CBLL1: variants seen among roughly 807,000 people sequenced by gnomAD.
CBLL1 encodes the protein Cbl proto-oncogene like 1.
Under a neutral mutation model 44.9 loss-of-function variants are expected in CBLL1, and 4 were observed. The ratio of observed to expected loss-of-function variants is 0.09; its 90% confidence interval spans 0.04 to 0.20. The LOEUF (loss-of-function observed/expected upper bound fraction) is 0.20, where lower values mean the gene tolerates loss of function less well. CBLL1 is among the 10% of genes least tolerant of loss of function. CBLL1 has a pLI of 1.00. For missense variants in CBLL1, 569 were observed against 636.7 expected (o/e 0.89, Z 1.14); for synonymous variants, 235 against 202.2 (o/e 1.16, Z -1.38).
rs952243679 is a variant in CBLL1 at position 107,758,089 on chromosome 7, A to G, written c.441-54A>G. 1.5e-4 allele frequency: 226 copies of G among 1,472,946 alleles called. No individual in the cohort carries two copies. Among genetic ancestry groups the G allele is most frequent in the Non-Finnish European group, 1.9e-4 (213 of 1,096,856 alleles). 91.2% of individuals were successfully genotyped at this position (1,472,946 alleles called of 1,614,324 possible). On this transcript the variant is annotated intron_variant, in intron 5 of 5. Coordinates refer to ENST00000440859, the MANE Select transcript of CBLL1 (RefSeq NM_024814.4). This position sits in a 1 kb window ranked among gnomAD's most constrained non-coding sequence, Gnocchi z 4.2. ...AAACAAGCATATTTTTGAAAATTAC[A>G]TAATTTTTTGTATTCTCTTTTAGTA...
At chr7:107,753,254 A>G (rs1793383787) in intron 2 of CBLL1, among the ~76,000 whole-genome samples, 157 bp from the exon 3 acceptor site, 1 of 152,198 alleles carries the variant, frequency 6.6e-6, no homozygotes, top group Admixed American at 6.5e-5. Flanking sequence ...CTTCTAACTG[A>G]TGTTTTAAAG....
At chr7:107,754,062 T>A in intron 4 of CBLL1, 84 bp downstream of exon 4, 2 of 785,652 alleles carry the variant, frequency 2.5e-6, no homozygotes, top group Middle Eastern at 2.5e-4. Flanking sequence ...TATCATTGTT[T>A]AATGACTAAG....
chr7:107,759,333 C>G lies in CBLL1; in HGVS notation c.*155C>G. 1 of 662,010 alleles carries G rather than the reference C, an allele frequency of 1.5e-6. No individual in the cohort carries two copies. Among genetic ancestry groups the G allele is most frequent in the Non-Finnish European group, 2.5e-6 (1 of 398,408 alleles). 41.0% of individuals were successfully genotyped at this position (662,010 alleles called of 1,614,324 possible). A position where few individuals can be genotyped will look rare whatever the true frequency, so the allele number is the denominator to read the frequency against. ...TCTTAAAATGGTTTTAAATCTTGAC[C>G]TTAAGATTGATTTCAAGTACCATAC... On this transcript the variant is annotated 3_prime_UTR_variant, in exon 6 of 6. Transcript: ENST00000440859.
rs1025532581 is a variant in CBLL1, at chr7:107,748,815, C to A, written c.14-65C>A. ...AATGTTAGGTATGGTGTTTTAATAC[C>A]TGTGGCAGAATAATCTTTAAAAAGA... is the stretch of plus-strand genomic sequence containing the variant. On this transcript the variant is annotated intron_variant, in intron 1 of 5. Transcript: ENST00000440859. The A allele has an allele frequency of 3.6e-6, 5 of 1,399,354 alleles. No individual in the cohort carries two copies. The African/African-American group carries it at 5.8e-5, about 16-fold the overall frequency. The allele number at this position is 1,399,354 out of a possible 1,614,324, so 86.7% of individuals were successfully genotyped here.
At chr7:107,748,640 G>A (rs988212651) in intron 1 of CBLL1, among the ~76,000 whole-genome samples, 2 of 152,196 alleles carry the variant, frequency 1.3e-5, no homozygotes, top group African/African-American at 4.8e-5. Context: ...TCTAGGGAGA[G>A]GTCCTATAAC....
In CBLL1 at chr7:107,753,105, G is replaced by A. The variant is rs10281114; in HGVS notation, c.182-306G>A. Among the ~76,000 whole-genome samples the A allele has an allele frequency of 4.7e-3, 715 of 152,230 alleles. 5 individuals are homozygous for A. The highest frequency in any genetic ancestry group is 0.016 in the African/African-American group (681 of 41,548). On this transcript the variant is annotated intron_variant, in intron 2 of 5. Coordinates refer to ENST00000440859, the MANE Select transcript of CBLL1 (RefSeq NM_024814.4). Reference sequence around the variant, plus strand: ...TAGAAATAGTTTCATGAATTGATAAGAGCATTTGAATGGGAGTCAAGAGAT... The same window carrying A: ...TAGAAATAGTTTCATGAATTGATAAAAGCATTTGAATGGGAGTCAAGAGAT...
Position 107,758,647 on chromosome 7 carries a change from T to G in CBLL1, c.945T>G (p.Pro315=), listed in dbSNP as rs552973183. Residue 315 remains proline (P), a synonymous_variant, in exon 6 of 6, where the codon CCT becomes CCG. Coordinates refer to ENST00000440859, the MANE Select transcript of CBLL1 (RefSeq NM_024814.4). The surrounding 1 kb of genome is among the most constrained non-coding windows in gnomAD (Gnocchi z 4.2). ...AACCACCACCTCCTGCCCCAGCACCTGCTCACCATCATCCTGAATATCAGG... is the reference window on the plus strand; with the variant it reads ...AACCACCACCTCCTGCCCCAGCACCGGCTCACCATCATCCTGAATATCAGG... ...AREPPPPAPA[P]AHHHPEYQGQ... 8 of 1,614,062 alleles carry G rather than the reference T, an allele frequency of 5.0e-6. No individual in the cohort carries two copies. The South Asian group carries it at 7.7e-5, about 16-fold the overall frequency.
intron 2 of CBLL1, among the ~76,000 whole-genome samples, chr7:107,752,899 G>A (rs1372004474): frequency 1.3e-5 from 2 of 152,128 alleles, no homozygotes; most frequent in African/African-American, 4.8e-5. Context: ...CTCATTTTAG[G>A]GCTAAAGAAG....
chr7:107,750,066 T>C (rs981830661), intron 2 of CBLL1, among the ~76,000 whole-genome samples: 1 of 151,992 alleles, frequency 6.6e-6, no homozygotes, highest in African/African-American at 2.4e-5. Flanking sequence ...CACCTCAGTC[T>C]CCTGAGGAGC....
chr7:107,760,001 CAT>C lies in CBLL1; in HGVS notation c.*826_*827del, dbSNP rs1292871359. The C allele has an allele frequency of 6.6e-6, 1 of 152,306 alleles. No homozygotes were observed. The highest frequency in any genetic ancestry group is 1.5e-5 in the Non-Finnish European group (1 of 68,002). 9.4% of individuals were successfully genotyped at this position (152,306 alleles called of 1,614,324 possible). ...CTTTTTTACTGAATGGTCGGAATCA[CAT>C]ATGCACCACACATACTGATCTTAAG... On this transcript the variant is annotated 3_prime_UTR_variant, in exon 6 of 6. Coordinates refer to ENST00000440859, the MANE Select transcript of CBLL1 (RefSeq NM_024814.4).
In CBLL1 at chr7:107,754,015, T is replaced by C. The variant is rs149466671; in HGVS notation, c.366+37T>C. 1,770 of 1,348,548 alleles carry C rather than the reference T, an allele frequency of 1.3e-3. 33 individuals are homozygous for C. The African/African-American group carries it at 0.024, about 18-fold the overall frequency. The allele number at this position is 1,348,548 out of a possible 1,614,324, so 83.5% of individuals were successfully genotyped here. On this transcript the variant is annotated intron_variant, in intron 4 of 5. Coordinates refer to ENST00000440859, the MANE Select transcript of CBLL1 (RefSeq NM_024814.4). ...TAAATATTGTTTTTGTAAGTAAGCA[T>C]TTGCATAGAGGTGGGGTTCTGAAAT...
At chr7:107,749,111 G>T in intron 2 of CBLL1, 64 bp downstream of exon 2, 1 of 1,458,140 alleles carries the variant, frequency 6.9e-7, no homozygotes, top group Non-Finnish European at 9.4e-7. Context: ...CGGACAGTCT[G>T]TGTGATCTTA....
At position 107,755,403 on chromosome 7, in the gene CBLL1, T is replaced by C. The variant is rs771721919; in HGVS notation, c.367-15T>C. On this transcript the variant is annotated splice_polypyrimidine_tract_variant and intron_variant, in intron 4 of 5. Transcript: ENST00000440859. ...AGTTCTAATATGCTTAACTGTAATATGTCTTTGTTTACAGATTCCATGCAA... is the reference window on the plus strand; with the variant it reads ...AGTTCTAATATGCTTAACTGTAATACGTCTTTGTTTACAGATTCCATGCAA... The C allele has an allele frequency of 6.6e-7, 1 of 1,504,254 alleles. No individual in the cohort carries two copies. Among genetic ancestry groups the C allele is most frequent in the South Asian group, 1.3e-5 (1 of 77,846 alleles). The allele number at this position is 1,504,254 out of a possible 1,614,324, so 93.2% of individuals were successfully genotyped here.
At chr7:107,757,012 G>A (rs185626353) in intron 5 of CBLL1, among the ~76,000 whole-genome samples, 3 of 152,136 alleles carry the variant, frequency 2.0e-5, no homozygotes, top group Non-Finnish European at 4.4e-5. Context: ...GAAGCAAAAA[G>A]TGTGCCAGAT....
In CBLL1 at chr7:107,758,833, G is replaced by A; in HGVS notation, c.1131G>A (p.Met377Ile). ...LVYSQAPPPP[M>I]TSAPPPITPP... ...ATAGCCAAGCTCCACCTCCACCAAT[G>A]ACCTCTGCTCCACCACCAATAACCC... The change falls in exon 6 of 6, where the codon ATG (methionine) becomes ATA (isoleucine). Residue 377 changes from methionine (M) to isoleucine (I), a missense_variant. By Grantham distance (10) the Met-to-Ile change is conservative (BLOSUM62 1). This residue lies in a region of CBLL1 where 228 missense variants were observed against 253.2 expected (regional missense o/e 0.90). Transcript: ENST00000440859. This position sits in a 1 kb window ranked among gnomAD's most constrained non-coding sequence, Gnocchi z 4.2. The A allele has an allele frequency of 6.2e-7, 1 of 1,613,544 alleles. No homozygotes were observed. The highest frequency in any genetic ancestry group is 8.5e-7 in the Non-Finnish European group (1 of 1,179,872).
rs956160224 is a variant in CBLL1 at position 107,749,194 on chromosome 7, T to C, written c.181+147T>C. 125 of 595,498 alleles carry C rather than the reference T, an allele frequency of 2.1e-4. No individual in the cohort carries two copies. In the African/African-American group the frequency reaches 2.3e-3, roughly 11 times the overall value. 36.9% of individuals were successfully genotyped at this position (595,498 alleles called of 1,614,324 possible). A position where few individuals can be genotyped will look rare whatever the true frequency, so the allele number is the denominator to read the frequency against. ...TTGTTTGACTTCTCATTGTAGCACA[T>C]TGTATTTTTATTTTCCTTTATAAAT... On this transcript the variant is annotated intron_variant, in intron 2 of 5. Coordinates refer to ENST00000440859, the MANE Select transcript of CBLL1 (RefSeq NM_024814.4).
chr7:107,752,155 C>T (rs905820499), intron 2 of CBLL1, among the ~76,000 whole-genome samples: 3 of 149,102 alleles, frequency 2.0e-5, no homozygotes, highest in Non-Finnish European at 3.0e-5. Context: ...GCGGAGATTG[C>T]GCCACTGCAC....
rs1019822771 is a variant in CBLL1, at chr7:107,759,848, G to A, written c.*670G>A. Reference sequence around the variant, plus strand: ...GCCTCAGGAGCACCAAAATACATTGGAATTCTAGTACTAAGATATATTTGT... The same window carrying A: ...GCCTCAGGAGCACCAAAATACATTGAAATTCTAGTACTAAGATATATTTGT... On this transcript the variant is annotated 3_prime_UTR_variant, in exon 6 of 6. Transcript: ENST00000440859. 1 of 152,200 alleles carries A rather than the reference G, an allele frequency of 6.6e-6. No individual in the cohort carries two copies. The highest frequency in any genetic ancestry group is 6.5e-5 in the Admixed American group (1 of 15,268). 9.4% of individuals were successfully genotyped at this position (152,200 alleles called of 1,614,324 possible). A position where few individuals can be genotyped will look rare whatever the true frequency, so the allele number is the denominator to read the frequency against.
At chr7:107,750,873 TGGTCC>T (rs755264568) in intron 2 of CBLL1, among the ~76,000 whole-genome samples, 1 of 49,896 alleles carries the variant, frequency 2.0e-5, no homozygotes, top group Non-Finnish European at 4.7e-5. Flanking sequence ...TGAGACCATA[TGGTCC>T]ACAAAGCGTA....
Sources: allele counts gnomAD v4.1 joint callset (sites outside exome capture counted in the v4.1 genomes callset), GRCh38; gene constraint gnomAD v4.1.1; regional missense constraint gnomAD v4.1.1; non-coding constraint Gnocchi (gnomAD v3.1); transcripts MANE v1.5; gene names NCBI Gene and HGNC (gene_info 2026-07-23, HGNC 2026-07-21).